The following ROBO1 variants were observed in gnomAD, a reference collection of about 807,000 sequenced individuals.
The protein encoded by ROBO1 is roundabout guidance receptor 1.
A neutral mutation model predicts 195.9 loss-of-function variants in ROBO1; 149 were observed. The observed-to-expected ratio is 0.76, with a 90% CI of 0.67 to 0.87. The LOEUF (loss-of-function observed/expected upper bound fraction) is 0.87, where lower values mean the gene tolerates loss of function less well. Ranked by LOEUF, ROBO1 falls within the 40% of genes least tolerant of loss-of-function variation. The pLI is 0.00. For synonymous variants in ROBO1, 816 were observed against 733.2 expected, an observed-to-expected ratio of 1.11 and a Z score of -1.82; for missense variants, 1,933 against 2,068.3, an observed-to-expected ratio of 0.93 and a Z score of 1.27.
intron 3 of ROBO1, among the ~76,000 whole-genome samples, chr3:78,980,220 G>A: frequency 6.6e-6 from 1 of 152,238 alleles, no homozygotes; most frequent in East Asian, 1.9e-4. Flanking sequence ...ATAAGAAACT[G>A]ACCTACCTTT....
intron 3 of ROBO1, among the ~76,000 whole-genome samples, chr3:79,043,753 G>C (rs2078532741): frequency 6.6e-6 from 1 of 152,022 alleles, no homozygotes; most frequent in African/African-American, 2.4e-5. Flanking sequence ...ACCACCTACA[G>C]CTAAACTAGG....
chr3:79,126,207 T>G (rs2080212821), intron 2 of ROBO1, among the ~76,000 whole-genome samples: 1 of 152,236 alleles, frequency 6.6e-6, no homozygotes, highest in African/African-American at 2.4e-5. Flanking sequence ...TTGGATATTT[T>G]GGGTTGGATA....
chr3:78,602,485 T>G (rs1388250745), intron 29 of ROBO1, among the ~76,000 whole-genome samples: 1 of 152,144 alleles, frequency 6.6e-6, no homozygotes, highest in East Asian at 1.9e-4. Context: ...AGGTTTTTCT[T>G]TATAGAAATG....
At chr3:79,010,093 T>C (rs2077737788) in intron 3 of ROBO1, among the ~76,000 whole-genome samples, 1 of 152,138 alleles carries the variant, frequency 6.6e-6, no homozygotes, top group African/African-American at 2.4e-5. Context: ...CAACAGACAG[T>C]AAGATGTAAC....
At chr3:79,211,998 C>G (rs564627890) in intron 2 of ROBO1, among the ~76,000 whole-genome samples, 1 of 152,240 alleles carries the variant, frequency 6.6e-6, no homozygotes, top group Admixed American at 6.5e-5. Flanking sequence ...GTATTCCTTA[C>G]GGGAAACAAA....
chr3:79,065,676 C>A (rs1012768231), intron 3 of ROBO1, among the ~76,000 whole-genome samples: 2 of 151,900 alleles, frequency 1.3e-5, no homozygotes, highest in African/African-American at 4.8e-5. Context: ...TGGATTGATA[C>A]TCATCAAATA....
intron 4 of ROBO1, among the ~76,000 whole-genome samples, chr3:78,837,981 T>C (rs918277457): frequency 6.6e-6 from 1 of 152,206 alleles, no homozygotes; most frequent in Admixed American, 6.5e-5. Flanking sequence ...CATTTGTAAA[T>C]ATGCCTGAAC....
At chr3:78,915,144 AG>A (rs1255684536) in intron 4 of ROBO1, among the ~76,000 whole-genome samples, 1 of 152,182 alleles carries the variant, frequency 6.6e-6, no homozygotes, top group African/African-American at 2.4e-5. Flanking sequence ...AGTCAAATTT[AG>A]CCTTTGTACT....
chr3:79,306,170 T>C (rs185933816), intron 2 of ROBO1, among the ~76,000 whole-genome samples: 4 of 152,354 alleles, frequency 2.6e-5, no homozygotes, highest in Non-Finnish European at 5.9e-5. Flanking sequence ...GAATTTATTT[T>C]ACTAATACAG....
At chr3:78,786,109 AC>A (rs1346149048) in intron 4 of ROBO1, among the ~76,000 whole-genome samples, 1 of 152,156 alleles carries the variant, frequency 6.6e-6, no homozygotes, top group African/African-American at 2.4e-5. Flanking sequence ...AAGTCCTTTA[AC>A]CAGACTTCTG....
intron 2 of ROBO1, among the ~76,000 whole-genome samples, chr3:79,207,976 C>T (rs935945559): frequency 7.2e-5 from 11 of 151,850 alleles, no homozygotes; most frequent in South Asian, 6.2e-4. Context: ...ACATATTTTT[C>T]GGAACATTAG....
intron 2 of ROBO1, among the ~76,000 whole-genome samples, chr3:79,490,823 C>A (rs548572289): frequency 6.6e-6 from 1 of 152,188 alleles, no homozygotes; most frequent in African/African-American, 2.4e-5. Context: ...ACCTCTTTAT[C>A]TGGGGATTTT....
intron 2 of ROBO1, among the ~76,000 whole-genome samples, chr3:79,139,270 C>T (rs1000322489): frequency 2.0e-5 from 3 of 151,910 alleles, no homozygotes; most frequent in East Asian, 3.9e-4. Context: ...ATAAATGCCA[C>T]GAAGAAGCTA....
chr3:79,197,201 CT>C (rs1399394466), intron 2 of ROBO1, among the ~76,000 whole-genome samples: 1 of 151,838 alleles, frequency 6.6e-6, no homozygotes, highest in Non-Finnish European at 1.5e-5. Context: ...CACCCCACCC[CT>C]GATAGACCCT....
intron 2 of ROBO1, among the ~76,000 whole-genome samples, chr3:79,135,328 G>T (rs949616377): frequency 6.6e-6 from 1 of 152,104 alleles, no homozygotes; most frequent in African/African-American, 2.4e-5. Flanking sequence ...AGTCATATCT[G>T]TAACTCAGTA....
At chr3:78,677,501 A>T (rs1329648411) in intron 10 of ROBO1, among the ~76,000 whole-genome samples, 1 of 152,054 alleles carries the variant, frequency 6.6e-6, no homozygotes, top group Non-Finnish European at 1.5e-5. Context: ...AATGGAAAAC[A>T]AAAAAAGGCA....
chr3:79,665,428 A>G (rs1327719125), intron 1 of ROBO1, among the ~76,000 whole-genome samples: 1 of 151,868 alleles, frequency 6.6e-6, no homozygotes, highest in Non-Finnish European at 1.5e-5. Context: ...ATTTTCAGCT[A>G]TTTCTATGAA....
chr3:79,424,970 A>C (rs2038387595), intron 2 of ROBO1, among the ~76,000 whole-genome samples: 1 of 152,178 alleles, frequency 6.6e-6, no homozygotes, highest in Non-Finnish European at 1.5e-5. Flanking sequence ...CTAAACCCTG[A>C]GGCTGAGAAC....
In ROBO1 at chr3:78,756,215, A is replaced by C. The variant is rs114609830; in HGVS notation, c.500-9315T>G. On this transcript the variant is annotated intron_variant, in intron 4 of 30. Coordinates refer to ENST00000464233, the MANE Select transcript of ROBO1 (RefSeq NM_002941.4). ...AATTATGGTAAAAACAAAACAAAAC[A>C]AAACAAAAAACACTCAGTTATTTTG... Among the ~76,000 whole-genome samples the C allele has an allele frequency of 2.9e-3, 438 of 152,308 alleles. 1 individual carries two copies. The highest frequency in any genetic ancestry group is 4.6e-3 in the Non-Finnish European group (310 of 68,008).
Sources: gnomAD v4.1 joint callset for allele counts (sites outside exome capture counted in the v4.1 genomes callset) on GRCh38, gnomAD v4.1.1 for gene constraint, MANE v1.5 for transcripts, NCBI Gene and HGNC (gene_info 2026-07-23, HGNC 2026-07-21) for gene names.